Variants in CSMD1 observed in about 807,000 individuals in gnomAD.
The protein encoded by CSMD1 is CUB and Sushi multiple domains 1, also known as CUB and sushi domain-containing protein 1.
Under a neutral mutation model 417.5 loss-of-function variants are expected in CSMD1, and 213 were observed. That is an observed-to-expected ratio of 0.51 (90% confidence interval 0.46 to 0.57). The LOEUF (loss-of-function observed/expected upper bound fraction) is 0.57, where lower values mean the gene tolerates loss of function less well. Ranked by LOEUF, CSMD1 falls within the 20% of genes least tolerant of loss-of-function variation. The probability of loss-of-function intolerance (pLI) is 0.00; values close to 1 mark genes in which losing one functional copy is unlikely to be tolerated. For synonymous variants in CSMD1, 2,862 were observed against 1,736.8 expected (o/e 1.65, Z -16.11); for missense variants, 6,923 against 4,529.7 (o/e 1.53, Z -15.17).
intron 1 of CSMD1, among the ~76,000 whole-genome samples, chr8:4,678,948 A>T (rs142937731): frequency 7.5e-4 from 114 of 152,330 alleles, no homozygotes; most frequent in African/African-American, 2.7e-3. Context: ...CAAACCAGCC[A>T]ACCTTACCAG....
intron 5 of CSMD1, among the ~76,000 whole-genome samples, chr8:3,791,550 A>G (rs1306563787): frequency 6.6e-6 from 1 of 152,334 alleles, no homozygotes. Context: ...CAGGCCGGGC[A>G]TGGTGGCTCA....
chr8:4,715,679 T>G (rs1808607077), intron 1 of CSMD1, among the ~76,000 whole-genome samples: 1 of 152,182 alleles, frequency 6.6e-6, no homozygotes, highest in Non-Finnish European at 1.5e-5. Flanking sequence ...TTTTGGCAAC[T>G]GTTCCCTTCT....
intron 7 of CSMD1, among the ~76,000 whole-genome samples, chr8:3,646,812 G>A (rs1797597365): frequency 6.6e-6 from 1 of 152,006 alleles, no homozygotes; most frequent in Admixed American, 6.6e-5. Context: ...GCCCTGTCTT[G>A]CTTCCCCTGC....
intron 1 of CSMD1, among the ~76,000 whole-genome samples, chr8:4,989,054 C>T (rs1811327386): frequency 6.6e-6 from 1 of 152,200 alleles, no homozygotes; most frequent in South Asian, 2.1e-4. Context: ...GACTGACTTA[C>T]TTCCTTGCAT....
At chr8:3,670,332 G>A (rs747958218) in intron 7 of CSMD1, among the ~76,000 whole-genome samples, 2 of 151,812 alleles carry the variant, frequency 1.3e-5, no homozygotes, top group African/African-American at 4.8e-5. Context: ...CAGACTCCAA[G>A]TTCTTCTGTT....
rs1000833156 is a variant in CSMD1 at position 4,079,722 on chromosome 8, G to C, written c.416-47623C>G. On this transcript the variant is annotated intron_variant, in intron 3 of 69. Transcript: ENST00000635120. ...TTGCTTTCTTTCCATAGTATGAATAGCCCAATGGATATTTTTGTAGTGATG... is the reference window on the plus strand; with the variant it reads ...TTGCTTTCTTTCCATAGTATGAATACCCCAATGGATATTTTTGTAGTGATG... Among the ~76,000 whole-genome samples, 4 of 152,248 alleles carry C rather than the reference G, an allele frequency of 2.6e-5. 1 individual carries two copies. The highest frequency in any genetic ancestry group is 4.1e-4 in the South Asian group (2 of 4,822).
At chr8:4,183,698 A>G (rs933396807) in intron 3 of CSMD1, among the ~76,000 whole-genome samples, 2 of 152,276 alleles carry the variant, frequency 1.3e-5, no homozygotes, top group Admixed American at 1.3e-4. Flanking sequence ...AGAGAAATTT[A>G]AAACTATCAA....
intron 26 of CSMD1, among the ~76,000 whole-genome samples, chr8:3,232,293 T>C (rs1798888329): frequency 6.6e-6 from 1 of 152,214 alleles, no homozygotes; most frequent in African/African-American, 2.4e-5. Context: ...ATGTTGCAAG[T>C]TCTGTGACTC....
At chr8:3,190,178 G>T (rs1475817336) in intron 33 of CSMD1, 63 bp from the exon 34 acceptor site, 2 of 1,309,444 alleles carry the variant, frequency 1.5e-6, no homozygotes, top group African/African-American at 1.5e-5. Context: ...ACGTTGCGTG[G>T]AACGTGGGTT....
intron 25 of CSMD1, among the ~76,000 whole-genome samples, chr8:3,291,655 G>T (rs1369378532): frequency 1.3e-5 from 2 of 152,112 alleles, no homozygotes; most frequent in Non-Finnish European, 2.9e-5. Flanking sequence ...TTGTGTTTCT[G>T]TGGGATCGGT....
At chr8:3,508,757 A>G (rs1796940778) in intron 10 of CSMD1, among the ~76,000 whole-genome samples, 1 of 152,154 alleles carries the variant, frequency 6.6e-6, no homozygotes, top group African/African-American at 2.4e-5. Flanking sequence ...TTCTATTTAG[A>G]CCGAATAGAG....
chr8:4,629,650 A>C (rs546192649), intron 2 of CSMD1, among the ~76,000 whole-genome samples: 1 of 152,324 alleles, frequency 6.6e-6, no homozygotes, highest in Admixed American at 6.5e-5. Flanking sequence ...CCTGCCTAGA[A>C]AGACACTTAG....
At chr8:4,464,539 A>T (rs913661976) in intron 2 of CSMD1, among the ~76,000 whole-genome samples, 1 of 152,164 alleles carries the variant, frequency 6.6e-6, no homozygotes, top group African/African-American at 2.4e-5. Flanking sequence ...ATATTGAACT[A>T]AAAGTGAAAA....
chr8:4,681,014 C>T (rs914750776), intron 1 of CSMD1, among the ~76,000 whole-genome samples: 1 of 148,846 alleles, frequency 6.7e-6, no homozygotes, highest in East Asian at 2.0e-4. Flanking sequence ...ATGAGAAAGT[C>T]ATGCAACCTC....
chr8:4,356,712 T>TC (rs1024942976), intron 3 of CSMD1, among the ~76,000 whole-genome samples: 1 of 152,122 alleles, frequency 6.6e-6, no homozygotes, highest in Non-Finnish European at 1.5e-5. Context: ...CACCGTGCTC[T>TC]CCAATGGAGA....
intron 1 of CSMD1, among the ~76,000 whole-genome samples, chr8:4,820,736 T>A (rs1799476258): frequency 6.6e-6 from 1 of 152,196 alleles, no homozygotes; most frequent in Non-Finnish European, 1.5e-5. Flanking sequence ...GATCTAACTT[T>A]GCATTCAGGC....
intron 3 of CSMD1, among the ~76,000 whole-genome samples, chr8:4,404,247 G>A (rs772950634): frequency 2.0e-5 from 3 of 152,034 alleles, no homozygotes; most frequent in Non-Finnish European, 4.4e-5. Flanking sequence ...GTCACCTTGT[G>A]ATAGGCTATA....
chr8:3,776,435 A>G (rs1346439925), intron 5 of CSMD1, among the ~76,000 whole-genome samples: 11 of 152,138 alleles, frequency 7.2e-5, no homozygotes, highest in Non-Finnish European at 1.5e-5. Context: ...TCCTTCTCTA[A>G]TCTCCTGTCT....
chr8:3,049,634 C>A (rs904478881), intron 50 of CSMD1, among the ~76,000 whole-genome samples: 2 of 151,906 alleles, frequency 1.3e-5, no homozygotes, highest in Admixed American at 6.6e-5. Flanking sequence ...ACAAAAGTCA[C>A]TTTAGGCGTG....
Sources: allele counts gnomAD v4.1 joint callset (sites outside exome capture counted in the v4.1 genomes callset), GRCh38; gene constraint gnomAD v4.1.1; transcripts MANE v1.5; gene names NCBI Gene and HGNC (gene_info 2026-07-23, HGNC 2026-07-21).